The following TRHDE variants were observed in gnomAD, a reference collection of about 807,000 sequenced individuals.
TRHDE encodes the protein thyrotropin-releasing hormone-degrading ectoenzyme.
TRHDE carries 72 observed loss-of-function variants against 125.7 expected under a neutral mutation model. That is an observed-to-expected ratio of 0.57 (90% confidence interval 0.47 to 0.70). The LOEUF (loss-of-function observed/expected upper bound fraction) is 0.70. Ranked by LOEUF, TRHDE falls within the 30% of genes least tolerant of loss-of-function variation. TRHDE has a pLI of 0.00. For missense variants in TRHDE, 1,110 were observed against 1,327.1 expected, an observed-to-expected ratio of 0.84 and a Z score of 2.54; for synonymous variants, 509 against 509.1, an observed-to-expected ratio of 1.00 and a Z score of 0.00.
Position 72,619,049 on chromosome 12 carries a change from A to G in TRHDE, c.2469+11A>G, listed in dbSNP as rs1421040681. On this transcript the variant is annotated intron_variant, in intron 13 of 18. Transcript: ENST00000261180. ...TACAACATTTTCAATGTAAAAAGAT[A>G]TAATTTTTCTTTCTAATTTTTAGAA... The G allele has an allele frequency of 1.3e-6, 2 of 1,534,212 alleles. No individual in the cohort carries two copies. Among genetic ancestry groups the G allele is most frequent in the African/African-American group, 1.4e-5 (1 of 70,954 alleles).
At chr12:72,265,353 G>C in intron 2 of TRHDE, among the ~76,000 whole-genome samples, 1 of 151,868 alleles carries the variant, frequency 6.6e-6, no homozygotes, top group Non-Finnish European at 1.5e-5. Flanking sequence ...AGCCTGTATA[G>C]GGATGTGAAT....
chr12:72,202,020 G>C (rs1372010385), intron 2 of TRHDE, among the ~76,000 whole-genome samples: 2 of 152,166 alleles, frequency 1.3e-5, no homozygotes, highest in African/African-American at 4.8e-5. Flanking sequence ...ATGCAGAGTG[G>C]ATGAGATATT....
intron 12 of TRHDE, among the ~76,000 whole-genome samples, chr12:72,603,496 C>T (rs1207078917): frequency 2.0e-5 from 3 of 152,002 alleles, no homozygotes; most frequent in Non-Finnish European, 4.4e-5. Flanking sequence ...GAGGCCTAGG[C>T]GGGCAGATCA....
At chr12:72,329,994 G>A (rs529366226) in intron 2 of TRHDE, among the ~76,000 whole-genome samples, 2 of 152,312 alleles carry the variant, frequency 1.3e-5, no homozygotes, top group East Asian at 1.9e-4. Context: ...CGCTGTCAGT[G>A]CAGTGGAATG....
rs1279594547 is a variant in TRHDE at position 72,663,456 on chromosome 12, T to C, written c.*261T>C. ...AAACTAGCCATGATTGCTTCAGCTG[T>C]ACATTCCTTGCTGTACAGGACCAAA... On this transcript the variant is annotated 3_prime_UTR_variant, in exon 19 of 19. Transcript: ENST00000261180. 3 of 302,328 alleles carry C rather than the reference T, an allele frequency of 9.9e-6. No homozygotes were observed. Among genetic ancestry groups the C allele is most frequent in the Admixed American group, 5.0e-5 (1 of 20,036 alleles). 18.7% of individuals were successfully genotyped at this position (302,328 alleles called of 1,614,324 possible).
intron 3 of TRHDE, among the ~76,000 whole-genome samples, chr12:72,449,204 T>C (rs182665527): frequency 6.6e-6 from 1 of 152,134 alleles, no homozygotes; most frequent in Admixed American, 6.6e-5. Flanking sequence ...CCAAAAAATT[T>C]ATGTTTGAAA....
At chr12:72,642,913 G>A (rs954505597) in intron 15 of TRHDE, among the ~76,000 whole-genome samples, 12 of 152,248 alleles carry the variant, frequency 7.9e-5, no homozygotes, top group African/African-American at 2.9e-4. Context: ...TATACAAAGA[G>A]ATCTTAAACT....
chr12:72,380,756 T>G, intron 3 of TRHDE, among the ~76,000 whole-genome samples: 1 of 95,512 alleles, frequency 1.0e-5, no homozygotes, highest in Admixed American at 1.1e-4. Context: ...CCTTCCTTCC[T>G]TCCTTCCTTG....
rs144220658 is a variant in TRHDE at position 72,566,256 on chromosome 12, ATG to A, written c.2043-2305_2043-2304del. ...TTGTTACTATATGTAGATTTTCGTT[ATG>A]TGTGTGCATACACAGAAACACACAT... On this transcript the variant is annotated intron_variant, in intron 9 of 18. Coordinates refer to ENST00000261180, the MANE Select transcript of TRHDE (RefSeq NM_013381.3). 6.6e-5 allele frequency among the ~76,000 whole-genome samples: 10 copies of A among 152,024 alleles called. No individual in the cohort carries two copies. In the East Asian group the frequency reaches 1.9e-3, roughly 29 times the overall value.
intron 2 of TRHDE, among the ~76,000 whole-genome samples, chr12:72,194,007 CTAT>C (rs1330589531): frequency 1.3e-5 from 2 of 151,962 alleles, no homozygotes; most frequent in Non-Finnish European, 2.9e-5. Flanking sequence ...ATATTGTCAT[CTAT>C]TATTTGCATT....
At chr12:72,573,432 T>A (rs1026258359) in intron 10 of TRHDE, among the ~76,000 whole-genome samples, 2 of 151,924 alleles carry the variant, frequency 1.3e-5, no homozygotes, top group African/African-American at 2.4e-5. Context: ...TCTGATGATT[T>A]ATTTTTCTGA....
chr12:72,581,780 T>C (rs1287542656), intron 12 of TRHDE, among the ~76,000 whole-genome samples: 1 of 152,072 alleles, frequency 6.6e-6, no homozygotes, highest in Non-Finnish European at 1.5e-5. Flanking sequence ...TAAGGACCTG[T>C]GTCTAGAGAT....
At chr12:72,289,504 G>A (rs1427245606) in intron 2 of TRHDE, among the ~76,000 whole-genome samples, 1 of 152,086 alleles carries the variant, frequency 6.6e-6, no homozygotes, top group Non-Finnish European at 1.5e-5. Context: ...TTTTATATTA[G>A]TTGTCAACAT....
chr12:72,190,469 C>T (rs990915516), intron 2 of TRHDE, among the ~76,000 whole-genome samples: 1 of 152,130 alleles, frequency 6.6e-6, no homozygotes, highest in African/African-American at 2.4e-5. Flanking sequence ...TCCATTTTGT[C>T]TGAATGGTCA....
chr12:72,267,265 T>C (rs1352988050), intron 2 of TRHDE, among the ~76,000 whole-genome samples: 1 of 152,052 alleles, frequency 6.6e-6, no homozygotes, highest in Admixed American at 6.6e-5. Flanking sequence ...CTTATAGAAG[T>C]CATAAACCAA....
rs747146867 is a variant in TRHDE at position 72,663,216 on chromosome 12, A to G, written c.*21A>G. Reference sequence around the variant, plus strand: ...ACTAATATATGTATCTTATAAACAAACAATTCAACTCAGAAGTTTATGAGA... The same window carrying G: ...ACTAATATATGTATCTTATAAACAAGCAATTCAACTCAGAAGTTTATGAGA... On this transcript the variant is annotated 3_prime_UTR_variant, in exon 19 of 19. Coordinates refer to ENST00000261180, the MANE Select transcript of TRHDE (RefSeq NM_013381.3). 1 of 1,558,418 alleles carries G rather than the reference A, an allele frequency of 6.4e-7. No homozygotes were observed. Among genetic ancestry groups the G allele is most frequent in the East Asian group, 2.3e-5 (1 of 43,362 alleles).
chr12:72,605,065 T>A (rs1872377809), intron 12 of TRHDE, among the ~76,000 whole-genome samples: 1 of 152,078 alleles, frequency 6.6e-6, no homozygotes, highest in Non-Finnish European at 1.5e-5. Flanking sequence ...TTGAATTTTG[T>A]GACACTGGAA....
intron 15 of TRHDE, among the ~76,000 whole-genome samples, chr12:72,642,412 C>T (rs765830606): frequency 9.2e-5 from 14 of 152,044 alleles, no homozygotes; most frequent in Admixed American, 2.0e-4. Context: ...AAAGTGTTAT[C>T]GTACAAAGAA....
intron 3 of TRHDE, among the ~76,000 whole-genome samples, chr12:72,457,317 C>T (rs1007611751): frequency 6.6e-6 from 1 of 152,002 alleles, no homozygotes; most frequent in African/African-American, 2.4e-5. Context: ...TCATATTTTC[C>T]ATTTCTGTAA....
Sources: allele counts gnomAD v4.1 joint callset (sites outside exome capture counted in the v4.1 genomes callset), GRCh38; gene constraint gnomAD v4.1.1; transcripts MANE v1.5; gene names NCBI Gene and HGNC (gene_info 2026-07-23, HGNC 2026-07-21).